FOCAD: variants seen among roughly 807,000 people sequenced by gnomAD.
FOCAD encodes KIAA1797.
FOCAD carries 198 observed loss-of-function variants against 225.6 expected under a neutral mutation model. The observed-to-expected ratio is 0.88, with a 90% CI of 0.78 to 0.99. The LOEUF (loss-of-function observed/expected upper bound fraction) is 0.99, where lower values mean the gene tolerates loss of function less well. Ranked by LOEUF, FOCAD falls within the 50% of genes least tolerant of loss-of-function variation. The pLI is 0.00. For synonymous variants in FOCAD, 897 were observed against 755.0 expected (o/e 1.19, Z -3.08); for missense variants, 2,713 against 2,123.6 (o/e 1.28, Z -5.46).
intron 21 of FOCAD, chr9:20,897,055 C>T (rs937946267): frequency 1.3e-5 from 2 of 151,678 alleles, no homozygotes; most frequent in Non-Finnish European, 2.9e-5. Flanking sequence ...TCAGGTTTTG[C>T]CTTATATATT....
chr9:20,930,204 G>A (rs1835338507), intron 27 of FOCAD, among the ~76,000 whole-genome samples: 1 of 152,110 alleles, frequency 6.6e-6, no homozygotes, highest in Admixed American at 6.5e-5. Context: ...ATTTACCCTT[G>A]AATGGAGCTA....
chr9:20,764,665 T>C (rs978012666), intron 6 of FOCAD, among the ~76,000 whole-genome samples: 64 of 152,310 alleles, frequency 4.2e-4, no homozygotes, highest in African/African-American at 1.5e-3. Flanking sequence ...TCTCCAGGTG[T>C]TGAATAATTT....
At chr9:20,692,744 A>G (rs1212186671) in intron 1 of FOCAD, among the ~76,000 whole-genome samples, 1 of 152,164 alleles carries the variant, frequency 6.6e-6, no homozygotes, top group Non-Finnish European at 1.5e-5. Flanking sequence ...AGAGGAAACT[A>G]TGTGGCCTTT....
rs563927214 is a variant in FOCAD at position 20,664,833 on chromosome 9, G to A, written c.-78+6007G>A. Among the ~76,000 whole-genome samples the A allele has an allele frequency of 2.6e-5, 4 of 151,852 alleles. No homozygotes were observed. The South Asian group carries it at 6.2e-4, about 24-fold the overall frequency. On this transcript the variant is annotated intron_variant, in intron 2 of 45. Coordinates refer to the FOCAD transcript ENST00000380249. ...TTCAAGAGTTTATACATGTGTCAAA[G>A]CTTATTAAATTGTATACTTTAAATA...
intron 4 of FOCAD, among the ~76,000 whole-genome samples, chr9:20,727,814 G>A (rs1826333241): frequency 6.6e-6 from 1 of 152,186 alleles, no homozygotes; most frequent in African/African-American, 2.4e-5. Flanking sequence ...ATGACACCTA[G>A]GGATGCATCC....
chr9:20,868,522 A>G (rs1829482392), intron 18 of FOCAD, among the ~76,000 whole-genome samples: 1 of 152,076 alleles, frequency 6.6e-6, no homozygotes, highest in South Asian at 2.1e-4. Flanking sequence ...CTACTTCCTT[A>G]ATCTAACTCT....
intron 28 of FOCAD, among the ~76,000 whole-genome samples, chr9:20,934,695 T>G (rs1835793708): frequency 6.6e-6 from 1 of 152,140 alleles, no homozygotes; most frequent in Non-Finnish European, 1.5e-5. Flanking sequence ...ATTTGTTCTT[T>G]TTGCCTAGTC....
chr9:20,921,172 G>T (rs1284425895), intron 24 of FOCAD, among the ~76,000 whole-genome samples: 2 of 151,988 alleles, frequency 1.3e-5, no homozygotes, highest in Non-Finnish European at 2.9e-5. Flanking sequence ...TTATTAAACA[G>T]ATTTAAACCT....
intron 19 of FOCAD, among the ~76,000 whole-genome samples, chr9:20,878,791 C>T (rs995137695): frequency 1.3e-5 from 2 of 152,092 alleles, no homozygotes; most frequent in Admixed American, 1.3e-4. Context: ...CATTCAAGTC[C>T]GAAGGCTTCA....
chr9:20,981,800 G>A (rs72703998), intron 38 of FOCAD, 114 bp downstream of exon 38: 45,923 of 1,159,244 alleles, frequency 0.04, 1,093 homozygotes, highest in Non-Finnish European at 0.047. Flanking sequence ...AGGCTAGCAA[G>A]AAATAACCAC....
intron 28 of FOCAD, among the ~76,000 whole-genome samples, chr9:20,944,399 C>T (rs1052815904): frequency 1.3e-5 from 2 of 152,086 alleles, no homozygotes; most frequent in Non-Finnish European, 2.9e-5. Flanking sequence ...AGGGGGTGTA[C>T]AGCACTAGCA....
chr9:20,921,476 C>T (rs1259891929), intron 24 of FOCAD, among the ~76,000 whole-genome samples: 1 of 152,130 alleles, frequency 6.6e-6, no homozygotes, highest in African/African-American at 2.4e-5. Context: ...AGATTCCCAC[C>T]TCTCCAGCTC....
chr9:20,683,510 C>CT (rs1404351942), upstream of FOCAD: 1 of 151,948 alleles, frequency 6.6e-6, no homozygotes, highest in Non-Finnish European at 1.5e-5. Flanking sequence ...TGGCTGCTGT[C>CT]TGTCTGTTAC....
intron 35 of FOCAD, among the ~76,000 whole-genome samples, chr9:20,965,331 T>C (rs1257741087): frequency 6.6e-6 from 1 of 152,172 alleles, no homozygotes; most frequent in Non-Finnish European, 1.5e-5. Flanking sequence ...CAAATACTTG[T>C]TGCAAGGATT....
At chr9:20,803,255 C>T (rs1200656949) in intron 11 of FOCAD, among the ~76,000 whole-genome samples, 13 of 152,034 alleles carry the variant, frequency 8.6e-5, no homozygotes, top group Non-Finnish European at 4.4e-5. Flanking sequence ...GTTATGAGTG[C>T]CACCAGTGGC....
intron 21 of FOCAD, among the ~76,000 whole-genome samples, chr9:20,905,989 A>G (rs1313860483): frequency 1.3e-5 from 2 of 151,734 alleles, no homozygotes; most frequent in African/African-American, 4.8e-5. Context: ...AGCAGTAAGA[A>G]TTAATCTCTT....
At chr9:20,951,178 A>G in intron 34 of FOCAD, 80 bp downstream of exon 34, 2 of 1,029,998 alleles carry the variant, frequency 1.9e-6, no homozygotes, top group South Asian at 2.6e-5. Flanking sequence ...TAAGAGCATT[A>G]ATCTTCACAA....
At chr9:20,916,306 C>T (rs1299014907) in intron 23 of FOCAD, among the ~76,000 whole-genome samples, 1 of 152,020 alleles carries the variant, frequency 6.6e-6, no homozygotes, top group Non-Finnish European at 1.5e-5. Flanking sequence ...TGAATTGTGC[C>T]TACCTTCTTT....
intron 1 of FOCAD, among the ~76,000 whole-genome samples, chr9:20,692,257 T>C (rs981005901): frequency 4.6e-5 from 7 of 152,204 alleles, no homozygotes; most frequent in African/African-American, 1.7e-4. Context: ...AACTCCATCC[T>C]TTTTATGAGA....
Sources: allele counts gnomAD v4.1 joint callset (sites outside exome capture counted in the v4.1 genomes callset), GRCh38; gene constraint gnomAD v4.1.1; transcripts MANE v1.5; gene names NCBI Gene and HGNC (gene_info 2026-07-23, HGNC 2026-07-21).